Variants in ZNF292 observed in about 807,000 individuals in gnomAD.
ZNF292 encodes the protein zinc finger protein 292.
ZNF292 carries 26 observed loss-of-function variants against 217.9 expected under a neutral mutation model. That is an observed-to-expected ratio of 0.12 (90% CI 0.09 to 0.17). The LOEUF is 0.17. Among genes scored for constraint, ZNF292 ranks in the 10% least tolerant of loss-of-function variants. The pLI, the probability that ZNF292 is intolerant of heterozygous loss-of-function variation, is 1.00. For missense variants in ZNF292, 2,904 were observed against 3,175.2 expected, an observed-to-expected ratio of 0.91 and a Z score of 2.05; for synonymous variants, 1,257 against 1,124.1, an observed-to-expected ratio of 1.12 and a Z score of -2.37.
intron 1 of ZNF292, among the ~76,000 whole-genome samples, chr6:87,207,338 C>T (rs1772289144): frequency 6.6e-6 from 1 of 152,122 alleles, no homozygotes; most frequent in African/African-American, 2.4e-5. Flanking sequence ...CTGCATCCTA[C>T]GAATTTTGAT....
chr6:87,155,799 A>G, intron 1 of ZNF292, 40 bp downstream of exon 1: 2 of 1,519,370 alleles, frequency 1.3e-6, no homozygotes, highest in Non-Finnish European at 1.8e-6. Context: ...TTCCCCAGCT[A>G]GAGGGGGAAG....
At position 87,255,493 on chromosome 6, in the gene ZNF292, C is replaced by G. The variant is rs748867258; in HGVS notation, c.1864C>G (p.Gln622Glu). Residue 622 changes from glutamine (Q) to glutamate (E), a missense_variant, in exon 8 of 8, where the codon CAG becomes GAG. This residue lies in a region of ZNF292 where 216 missense variants were observed against 308.3 expected (regional missense o/e 0.70). Coordinates refer to ENST00000369577, the MANE Select transcript of ZNF292 (RefSeq NM_015021.3). Reference protein sequence around the residue: ...PPKITTTNENQKTNTVAKQEQ... With the variant: ...PPKITTTNENEKTNTVAKQEQ... ...AAAGATCACAACTACCAATGAAAAT[C>G]AGAAGACTAATACTGTGGCTAAACA... The G allele has an allele frequency of 5.4e-5, 87 of 1,613,204 alleles. No individual in the cohort carries two copies. Among genetic ancestry groups the G allele is most frequent in the Non-Finnish European group, 7.3e-5 (86 of 1,179,650 alleles).
At chr6:87,182,257 A>G (rs1463272409) in intron 1 of ZNF292, among the ~76,000 whole-genome samples, 11 of 152,222 alleles carry the variant, frequency 7.2e-5, no homozygotes, top group Admixed American at 7.2e-4. Flanking sequence ...GAATGGAATA[A>G]TTGTGTAAGT....
At chr6:87,164,351 T>G (rs1344078683) in intron 1 of ZNF292, among the ~76,000 whole-genome samples, 1 of 152,200 alleles carries the variant, frequency 6.6e-6, no homozygotes, top group Admixed American at 6.5e-5. Flanking sequence ...TTTCCACACA[T>G]GCTTTACTTT....
chr6:87,234,524 A>AC (rs1354129545), intron 5 of ZNF292, among the ~76,000 whole-genome samples: 1 of 151,298 alleles, frequency 6.6e-6, no homozygotes, highest in Non-Finnish European at 1.5e-5. Context: ...ATGCCACTGC[A>AC]CTCCAGCCTG....
At chr6:87,253,934 C>T (rs1234330878) in intron 7 of ZNF292, among the ~76,000 whole-genome samples, 1 of 152,106 alleles carries the variant, frequency 6.6e-6, no homozygotes, top group Non-Finnish European at 1.5e-5. Context: ...TTTGTTATTG[C>T]TATCTAATAA....
intron 1 of ZNF292, among the ~76,000 whole-genome samples, chr6:87,204,932 G>A (rs561436236): frequency 2.6e-5 from 4 of 151,978 alleles, no homozygotes; most frequent in South Asian, 2.1e-4. Flanking sequence ...TTCTCATACC[G>A]TATGTACCCA....
chr6:87,163,982 T>G (rs949467197), intron 1 of ZNF292, among the ~76,000 whole-genome samples: 1 of 152,224 alleles, frequency 6.6e-6, no homozygotes, highest in African/African-American at 2.4e-5. Flanking sequence ...CTTCTGAGTT[T>G]GAGGCATTGA....
chr6:87,184,200 C>A (rs1451841159), intron 1 of ZNF292, among the ~76,000 whole-genome samples: 1 of 152,200 alleles, frequency 6.6e-6, no homozygotes, highest in South Asian at 2.1e-4. Context: ...CTAATTGGCA[C>A]AATGTGTGAA....
intron 1 of ZNF292, among the ~76,000 whole-genome samples, chr6:87,211,642 C>T (rs900586387): frequency 6.6e-6 from 1 of 152,110 alleles, no homozygotes; most frequent in Non-Finnish European, 1.5e-5. Flanking sequence ...AGAACAACGC[C>T]TAGCACATGG....
intron 1 of ZNF292, among the ~76,000 whole-genome samples, chr6:87,207,579 C>T (rs1033539453): frequency 3.3e-5 from 5 of 152,106 alleles, no homozygotes; most frequent in African/African-American, 4.8e-5. Context: ...TGACTGTCTA[C>T]GTGGCCTAGT....
At chr6:87,249,425 A>G in intron 7 of ZNF292, 1 of 306,562 alleles carries the variant, frequency 3.3e-6, no homozygotes, top group South Asian at 2.6e-5. Context: ...ACCACACATG[A>G]CCTTCGCAGC....
rs1244138155 is a variant in ZNF292 at position 87,256,171 on chromosome 6, T to C, written c.2542T>C (p.Ser848Pro). The C allele has an allele frequency of 4.3e-6, 7 of 1,613,720 alleles. No homozygotes were observed. The highest frequency in any genetic ancestry group is 5.1e-6 in the Non-Finnish European group (6 of 1,179,848). The stretch of plus-strand genomic sequence containing the variant: ...GCCTCCTGAAGCCCAACTTAATTCA[T>C]CTGGAGATTCCATTCAGCCTTCTGA... ...VLPPEAQLNSSGDSIQPSEVN... is the reference protein window; with the variant it reads ...VLPPEAQLNSPGDSIQPSEVN... The change falls in exon 8 of 8, where the codon TCT becomes CCT. Residue 848 changes from serine (S) to proline (P), a missense_variant. Physicochemically the swap from Ser to Pro is moderately conservative, Grantham distance 74. Around this residue, in one of 15 missense-constraint regions of ZNF292, gnomAD observed 687 missense variants for 623.0 expected, o/e 1.10. Coordinates refer to ENST00000369577, the MANE Select transcript of ZNF292 (RefSeq NM_015021.3).
rs774250446 is a variant in ZNF292 at position 87,261,014 on chromosome 6, C to T, written c.7385C>T (p.Ser2462Leu). 3 of 1,604,042 alleles carry T rather than the reference C, an allele frequency of 1.9e-6. No homozygotes were observed. The highest frequency in any genetic ancestry group is 2.2e-5 in the East Asian group (1 of 44,590). The stretch of plus-strand genomic sequence containing the variant: ...TGTGTATCAGAGAGCAATGATAATT[C>T]AAGAACAACAGCTACAGTTTCACAA... ...DTCVSESNDN[S>L]RTTATVSQKE... Residue 2462 changes from serine to leucine, a missense_variant, in exon 8 of 8, where the codon TCA (serine) becomes TTA (leucine). Transcript: ENST00000369577.
Position 87,256,160 on chromosome 6 carries a change from A to G in ZNF292, c.2531A>G (p.Gln844Arg). ...GAAAAAGTGCTGCCTCCTGAAGCCCAACTTAATTCATCTGGAGATTCCATT... is the reference window on the plus strand; with the variant it reads ...GAAAAAGTGCTGCCTCCTGAAGCCCGACTTAATTCATCTGGAGATTCCATT... Reference protein sequence around the residue: ...PPEKVLPPEAQLNSSGDSIQP... With the variant: ...PPEKVLPPEARLNSSGDSIQP... The change falls in exon 8 of 8, where the codon CAA becomes CGA. Residue 844 changes from glutamine (Q) to arginine (R), a missense_variant. Transcript: ENST00000369577. The G allele has an allele frequency of 3.1e-6, 5 of 1,613,884 alleles. No homozygotes were observed. The highest frequency in any genetic ancestry group is 4.2e-6 in the Non-Finnish European group (5 of 1,179,860).
intron 6 of ZNF292, among the ~76,000 whole-genome samples, chr6:87,244,006 G>T (rs1774441098): frequency 6.6e-6 from 1 of 152,036 alleles, no homozygotes; most frequent in Non-Finnish European, 1.5e-5. Context: ...AGGAAACAGA[G>T]ATCTTGGTTT....
At chr6:87,244,322 G>T (rs1176011452) in intron 6 of ZNF292, among the ~76,000 whole-genome samples, 1 of 152,172 alleles carries the variant, frequency 6.6e-6, no homozygotes, top group Non-Finnish European at 1.5e-5. Flanking sequence ...ATACAGAGAG[G>T]CTTGGTGTGA....
intron 1 of ZNF292, among the ~76,000 whole-genome samples, chr6:87,191,371 G>A (rs928424167): frequency 1.6e-4 from 24 of 152,080 alleles, no homozygotes; most frequent in Non-Finnish European, 8.8e-5. Flanking sequence ...CCTAGGCCAC[G>A]GGTTGGACAA....
At chr6:87,239,796 C>T (rs541948873) in intron 5 of ZNF292, among the ~76,000 whole-genome samples, 3 of 150,458 alleles carry the variant, frequency 2.0e-5, no homozygotes, top group East Asian at 4.0e-4. Flanking sequence ...AGACAATGGG[C>T]AGCCGAGCAG....
Sources: allele counts gnomAD v4.1 joint callset (sites outside exome capture counted in the v4.1 genomes callset), GRCh38; gene constraint gnomAD v4.1.1; regional missense constraint gnomAD v4.1.1; transcripts MANE v1.5; gene names NCBI Gene and HGNC (gene_info 2026-07-23, HGNC 2026-07-21).